The following NLGN1 variants were observed in gnomAD, a reference collection of about 807,000 sequenced individuals.
NLGN1 encodes neuroligin-1.
In NLGN1, 12 loss-of-function variants were observed where a neutral mutation model predicts 65.5. The ratio of observed to expected loss-of-function variants is 0.18; its 90% CI spans 0.12 to 0.30. The LOEUF (loss-of-function observed/expected upper bound fraction) is 0.30. NLGN1 is among the 10% of genes least tolerant of loss of function. The probability of loss-of-function intolerance (pLI) is 1.00; values close to 1 mark genes in which losing one functional copy is unlikely to be tolerated. For missense variants in NLGN1, 750 were observed against 1,007.1 expected (o/e 0.74, Z 3.46); for synonymous variants, 350 against 359.5 (o/e 0.97, Z 0.30).
chr3:173,841,701 T>C (rs1171497521), intron 4 of NLGN1, among the ~76,000 whole-genome samples: 1 of 151,950 alleles, frequency 6.6e-6, no homozygotes, highest in Non-Finnish European at 1.5e-5. Context: ...ACTGTAGAAG[T>C]AGAGGAGTCA....
chr3:173,821,467 G>A (rs1329646416), intron 4 of NLGN1, among the ~76,000 whole-genome samples: 1 of 152,044 alleles, frequency 6.6e-6, no homozygotes, highest in Non-Finnish European at 1.5e-5. Context: ...ATGAAAATAA[G>A]CTTTAAGAAA....
chr3:173,724,303 T>G (rs1771386214), intron 3 of NLGN1, among the ~76,000 whole-genome samples: 1 of 152,136 alleles, frequency 6.6e-6, no homozygotes, highest in Non-Finnish European at 1.5e-5. Context: ...TGAGACGGAG[T>G]CTCGCTCTGT....
intron 4 of NLGN1, among the ~76,000 whole-genome samples, chr3:174,239,949 G>A (rs2152829224): frequency 6.6e-6 from 1 of 152,246 alleles, no homozygotes; most frequent in African/African-American, 2.4e-5. Context: ...AAGAAAAGCA[G>A]ATCTCTGAAA....
At chr3:174,232,214 C>T (rs62291767) in intron 4 of NLGN1, among the ~76,000 whole-genome samples, 47,781 of 151,672 alleles carry the variant, frequency 0.32, 8,082 homozygotes, top group East Asian at 0.52. Context: ...TGTTCTCTGG[C>T]GGGCAGAGTG....
intron 1 of NLGN1, among the ~76,000 whole-genome samples, chr3:173,434,165 G>A (rs1332448402): frequency 6.6e-6 from 1 of 152,140 alleles, no homozygotes; most frequent in African/African-American, 2.4e-5. Context: ...ATGTGTTATA[G>A]TTTATATCAG....
exon 3 of NLGN1, chr3:173,604,458 T>G (rs3844523): frequency 4.6e-6 from 4 of 865,880 alleles, no homozygotes; most frequent in Non-Finnish European, 7.3e-6. Flanking sequence ...ATCTGCTGTC[T>G]GAAGATCTTT....
intron 3 of NLGN1, among the ~76,000 whole-genome samples, chr3:173,781,909 A>G (rs993525765): frequency 1.3e-5 from 2 of 152,142 alleles, no homozygotes; most frequent in African/African-American, 4.8e-5. Context: ...GTCACGGAAA[A>G]CCTTAAAGTA....
intron 4 of NLGN1, among the ~76,000 whole-genome samples, chr3:174,016,545 A>G (rs1442086821): frequency 6.6e-6 from 1 of 152,144 alleles, no homozygotes; most frequent in Non-Finnish European, 1.5e-5. Flanking sequence ...ATAGGGAGTA[A>G]CACCCTCAAT....
At chr3:174,102,449 A>C (rs1296367478) in intron 4 of NLGN1, among the ~76,000 whole-genome samples, 1 of 152,162 alleles carries the variant, frequency 6.6e-6, no homozygotes, top group Non-Finnish European at 1.5e-5. Context: ...AAAGGGGTAG[A>C]ATTAGTTTTG....
intron 4 of NLGN1, among the ~76,000 whole-genome samples, chr3:173,924,569 G>A (rs922593259): frequency 6.6e-6 from 1 of 151,054 alleles, no homozygotes; most frequent in Non-Finnish European, 1.5e-5. Flanking sequence ...GCTGCAGTGA[G>A]CCATAGTCAC....
At chr3:174,079,181 A>G (rs1741627930) in intron 4 of NLGN1, among the ~76,000 whole-genome samples, 1 of 152,104 alleles carries the variant, frequency 6.6e-6, no homozygotes, top group Non-Finnish European at 1.5e-5. Context: ...GACACTGAAA[A>G]AAATTTACAA....
chr3:173,877,900 A>G (rs1732443696), intron 4 of NLGN1, among the ~76,000 whole-genome samples: 1 of 152,218 alleles, frequency 6.6e-6, no homozygotes, highest in African/African-American at 2.4e-5. Context: ...GAGAGTTTAC[A>G]GTAGAGCTGG....
chr3:174,234,985 C>CTTTTTTTTTTTTTTTTTT lies in NLGN1; in HGVS notation c.647-40317_647-40300dup, dbSNP rs748911027. Among the ~76,000 whole-genome samples the CTTTTTTTTTTTTTTTTTT allele has an allele frequency of 1.5e-4, 10 of 65,748 alleles. 2 individuals carry two copies. The highest frequency in any genetic ancestry group is 8.0e-4 in the African/African-American group (10 of 12,494). 43.1% of individuals were successfully genotyped at this position (65,748 alleles called of 152,430 possible). On this transcript the variant is annotated intron_variant, in intron 4 of 6. Coordinates refer to ENST00000457714, the Ensembl canonical transcript of NLGN1. ...GAGCTTTGTAAAATAAAGGAATCAC[C>CTTTTTTTTTTTTTTTTTT]TTTTTTTTTTTTTTTTTTTTTTTTT...
intron 3 of NLGN1, among the ~76,000 whole-genome samples, chr3:173,793,491 A>T (rs1219632048): frequency 6.6e-6 from 1 of 152,156 alleles, no homozygotes; most frequent in Non-Finnish European, 1.5e-5. Context: ...TGTTGGTGAG[A>T]CATCCAAGTA....
chr3:174,094,974 A>C (rs1334885721), intron 4 of NLGN1, among the ~76,000 whole-genome samples: 1 of 152,128 alleles, frequency 6.6e-6, no homozygotes, highest in Non-Finnish European at 1.5e-5. Flanking sequence ...TGTCTTGGAA[A>C]GGCCAAAGAG....
At chr3:173,887,278 A>G (rs1387230098) in intron 4 of NLGN1, among the ~76,000 whole-genome samples, 1 of 152,014 alleles carries the variant, frequency 6.6e-6, no homozygotes, top group Non-Finnish European at 1.5e-5. Context: ...TATTTCTTGG[A>G]TCACAATGAT....
At chr3:173,887,817 A>G (rs1258256407) in intron 4 of NLGN1, among the ~76,000 whole-genome samples, 1 of 152,010 alleles carries the variant, frequency 6.6e-6, no homozygotes, top group African/African-American at 2.4e-5. Flanking sequence ...AAAACTATCA[A>G]TCTGTATTAG....
intron 3 of NLGN1, among the ~76,000 whole-genome samples, chr3:173,635,266 G>A (rs1017664176): frequency 2.6e-5 from 4 of 152,080 alleles, no homozygotes; most frequent in African/African-American, 9.7e-5. Context: ...CTGTGACTCA[G>A]AGATATTAAG....
At chr3:173,629,448 G>A (rs933764329) in intron 3 of NLGN1, among the ~76,000 whole-genome samples, 1 of 151,986 alleles carries the variant, frequency 6.6e-6, no homozygotes, top group African/African-American at 2.4e-5. Context: ...ATTAAGAATA[G>A]CAAATGATCA....
Sources: allele counts gnomAD v4.1 joint callset (sites outside exome capture counted in the v4.1 genomes callset), GRCh38; gene constraint gnomAD v4.1.1; transcripts MANE v1.5; gene names NCBI Gene and HGNC (gene_info 2026-07-23, HGNC 2026-07-21).